Variants in INTS3 observed in about 807,000 individuals in gnomAD.
The protein encoded by INTS3 is SOSS complex subunit A.
Under a neutral mutation model 146.3 loss-of-function variants are expected in INTS3, and 34 were observed. The ratio of observed to expected loss-of-function variants is 0.23; its 90% CI spans 0.18 to 0.31. INTS3 has a LOEUF of 0.31. Ranked by LOEUF, INTS3 falls within the 10% of genes least tolerant of loss-of-function variation. INTS3 has a pLI of 1.00. For synonymous variants in INTS3, 475 were observed against 494.9 expected, an observed-to-expected ratio of 0.96 and a Z score of 0.53; for missense variants, 757 against 1,304.2, an observed-to-expected ratio of 0.58 and a Z score of 6.46.
At chr1:153,736,572 G>A (rs1174181586) in intron 1 of INTS3, among the ~76,000 whole-genome samples, 4 of 150,530 alleles carry the variant, frequency 2.7e-5, no homozygotes, top group East Asian at 3.9e-4. Context: ...TCAGCCTCCC[G>A]AGTAGCTGGG....
chr1:153,746,463 C>T (rs534314064), intron 3 of INTS3, among the ~76,000 whole-genome samples: 29 of 151,980 alleles, frequency 1.9e-4, no homozygotes, highest in Admixed American at 1.3e-3. Context: ...TGCAGTGGCG[C>T]GATCTCCGCT....
intron 7 of INTS3, 56 bp downstream of exon 7, chr1:153,751,295 C>G: frequency 2.5e-6 from 4 of 1,578,752 alleles, no homozygotes; most frequent in Non-Finnish European, 3.5e-6. Flanking sequence ...TAAGATACCT[C>G]TGGAGGTTTA....
chr1:153,774,098 G>C lies in INTS3; in HGVS notation c.*828G>C, dbSNP rs1407259536. 1 of 154,412 alleles carries C rather than the reference G, an allele frequency of 6.5e-6. No individual in the cohort carries two copies. The highest frequency in any genetic ancestry group is 2.4e-5 in the African/African-American group (1 of 40,964). The allele number at this position is 154,412 out of a possible 1,614,324, so 9.6% of individuals were successfully genotyped here. ...GAATGTCTTTTGTGCTGGAGTGTCT[G>C]CTGGCATTTGCCCCGTGCATGTATA... On this transcript the variant is annotated 3_prime_UTR_variant, in exon 30 of 30. Transcript: ENST00000318967.
At chr1:153,769,656 A>G in intron 22 of INTS3, 113 bp from the exon 23 acceptor site, 1 of 675,310 alleles carries the variant, frequency 1.5e-6, no homozygotes, top group Non-Finnish European at 2.7e-6. Flanking sequence ...CTGGGCCTTC[A>G]CTTCCTCTAA....
At chr1:153,736,857 G>A (rs893826820) in intron 1 of INTS3, among the ~76,000 whole-genome samples, 12 of 142,796 alleles carry the variant, frequency 8.4e-5, no homozygotes, top group African/African-American at 2.1e-4. Context: ...TTCGCCGACC[G>A]GGTTCACACC....
chr1:153,760,857 G>T lies in INTS3; in HGVS notation c.1348G>T (p.Gly450Cys). The T allele has an allele frequency of 6.2e-7, 1 of 1,614,104 alleles. No individual in the cohort carries two copies. Among genetic ancestry groups the T allele is most frequent in the African/African-American group, 1.3e-5 (1 of 75,036 alleles). ...IIPNFYPPLE[G>C]HVRQGVFSSL... Reference sequence around the variant, plus strand: ...TCCCAACTTCTATCCACCATTGGAGGGCCACGTGCGGCAGGGTGTCTTTTC... The same window carrying T: ...TCCCAACTTCTATCCACCATTGGAGTGCCACGTGCGGCAGGGTGTCTTTTC... Residue 450 changes from glycine (G) to cysteine (C), a missense_variant, in exon 13 of 30, where the codon GGC becomes TGC. Transcript: ENST00000318967.
Position 153,773,371 on chromosome 1 carries a change from G to C in INTS3, c.*101G>C. ...AGGAGATTGCAGGGGAAACACCCTT[G>C]CTGCATCCCCAAGCTCCCCCGGTGG... On this transcript the variant is annotated 3_prime_UTR_variant, in exon 30 of 30. Coordinates refer to ENST00000318967, the MANE Select transcript of INTS3 (RefSeq NM_023015.5). 1 of 1,129,848 alleles carries C rather than the reference G, an allele frequency of 8.9e-7. No individual in the cohort carries two copies. The highest frequency in any genetic ancestry group is 1.5e-5 in the African/African-American group (1 of 65,000). 70.0% of individuals were successfully genotyped at this position (1,129,848 alleles called of 1,614,324 possible).
chr1:153,728,862 G>A (rs965497715), intron 1 of INTS3, 78 bp downstream of exon 1: 2 of 566,748 alleles, frequency 3.5e-6, no homozygotes, highest in Non-Finnish European at 6.0e-6. Context: ...GTGGGAGGAC[G>A]GGGGGTGGGG....
In INTS3 at chr1:153,773,986, G is replaced by GTT. The variant is rs71707457; in HGVS notation, c.*726_*727dup. ...CAAATGATCCCATTTCCTTGAGTCTGTTTTTTTTTTTGTTTTTTTTTGTTT... is the reference window on the plus strand; with the variant it reads ...CAAATGATCCCATTTCCTTGAGTCTGTTTTTTTTTTTTTGTTTTTTTTTGTTT... On this transcript the variant is annotated 3_prime_UTR_variant, in exon 30 of 30. Coordinates refer to ENST00000318967, the MANE Select transcript of INTS3 (RefSeq NM_023015.5). The GTT allele has an allele frequency of 2.6e-4, 39 of 150,500 alleles. No homozygotes were observed. Among genetic ancestry groups the GTT allele is most frequent in the Middle Eastern group, 7.4e-3 (2 of 270 alleles). The allele number at this position is 150,500 out of a possible 1,614,324, so 9.3% of individuals were successfully genotyped here. A position where few individuals can be genotyped will look rare whatever the true frequency, so the allele number is the denominator to read the frequency against.
At chr1:153,748,908 C>G (rs1671853687) in intron 6 of INTS3, among the ~76,000 whole-genome samples, 153 bp downstream of exon 6, 1 of 152,178 alleles carries the variant, frequency 6.6e-6, no homozygotes. Flanking sequence ...GTATTGTTGG[C>G]AAGTGAAGAA....
rs1194770993 is a variant in INTS3 at position 153,767,671 on chromosome 1, C to A, written c.2091-3C>A. 4 of 1,575,502 alleles carry A rather than the reference C, an allele frequency of 2.5e-6. No homozygotes were observed. Among genetic ancestry groups the A allele is most frequent in the Non-Finnish European group, 3.5e-6 (4 of 1,155,112 alleles). On this transcript the variant is annotated splice_polypyrimidine_tract_variant and splice_region_variant and intron_variant, in intron 20 of 29. Transcript: ENST00000318967. ...GCTGGCTCAGGCCCAGCTGGTCTTG[C>A]AGCAAAGCCGCCGCAGGGAAGATGA...
In INTS3 at chr1:153,772,066, T is replaced by C. The variant is rs968998917; in HGVS notation, c.2720+103T>C. ...TGGTGGTGGTGATGGGGGTCAGTGC[T>C]GTCCCAGCCTGGTTTGTGGGCGACA... On this transcript the variant is annotated intron_variant, in intron 26 of 29. Coordinates refer to ENST00000318967, the MANE Select transcript of INTS3 (RefSeq NM_023015.5). The surrounding 1 kb of genome is among the most constrained non-coding windows in gnomAD (Gnocchi z 4.6). The C allele has an allele frequency of 4.4e-5, 55 of 1,260,358 alleles. No homozygotes were observed. The highest frequency in any genetic ancestry group is 5.9e-5 in the Non-Finnish European group (54 of 917,802). The allele number at this position is 1,260,358 out of a possible 1,614,324, so 78.1% of individuals were successfully genotyped here.
Position 153,757,546 on chromosome 1 carries a change from C to CT in INTS3, c.958-21dup. 6.2e-7 allele frequency: 1 copy of CT among 1,609,044 alleles called. No individual in the cohort carries two copies. Among genetic ancestry groups the CT allele is most frequent in the Non-Finnish European group, 8.5e-7 (1 of 1,175,870 alleles). ...AGGACCCCACACTGTCTTCTAAGGT[C>CT]TTTTTCTTGCTTCCCCTTTCCCCAG... On this transcript the variant is annotated intron_variant, in intron 9 of 29. Coordinates refer to ENST00000318967, the MANE Select transcript of INTS3 (RefSeq NM_023015.5). The surrounding 1 kb of genome is among the most constrained non-coding windows in gnomAD (Gnocchi z 4.0).
chr1:153,769,896 C>G, intron 23 of INTS3, 52 bp downstream of exon 23: 2 of 1,271,712 alleles, frequency 1.6e-6, no homozygotes, highest in South Asian at 2.4e-5. Context: ...GGCAGGGTGT[C>G]AGTCCTGTGT....
At chr1:153,751,299 A>AG in intron 7 of INTS3, 60 bp downstream of exon 7, 1 of 1,546,162 alleles carries the variant, frequency 6.5e-7, no homozygotes, top group Non-Finnish European at 8.9e-7. Context: ...ATACCTCTGG[A>AG]GGTTTATGCA....
chr1:153,766,897 A>G (rs1433075407), intron 20 of INTS3: 1 of 151,464 alleles, frequency 6.6e-6, no homozygotes, highest in African/African-American at 2.4e-5. Flanking sequence ...GGGTTTCACC[A>G]TGTTGGCCAG....
intron 21 of INTS3, among the ~76,000 whole-genome samples, chr1:153,768,514 G>A (rs1315233327): frequency 6.6e-6 from 1 of 152,192 alleles, no homozygotes; most frequent in Admixed American, 6.5e-5. Flanking sequence ...AGCACAGGTT[G>A]GACTTCTTTG....
chr1:153,745,676 G>T (rs532966676), intron 3 of INTS3, among the ~76,000 whole-genome samples: 1 of 151,918 alleles, frequency 6.6e-6, no homozygotes, highest in Non-Finnish European at 1.5e-5. Context: ...AAAAACTAAG[G>T]GGGGAAGGGA....
At position 153,773,594 on chromosome 1, in the gene INTS3, C is replaced by A. The variant is rs917558937; in HGVS notation, c.*324C>A. On this transcript the variant is annotated 3_prime_UTR_variant, in exon 30 of 30. Coordinates refer to ENST00000318967, the MANE Select transcript of INTS3 (RefSeq NM_023015.5). ...TGGCCCCTTCCGCAATCTCCTCCCCCAGTCTCCCAAAGAGCCATTTCAACA... is the reference window on the plus strand; with the variant it reads ...TGGCCCCTTCCGCAATCTCCTCCCCAAGTCTCCCAAAGAGCCATTTCAACA... 1 of 445,332 alleles carries A rather than the reference C, an allele frequency of 2.2e-6. No individual in the cohort carries two copies. Among genetic ancestry groups the A allele is most frequent in the Non-Finnish European group, 4.2e-6 (1 of 238,858 alleles). 27.6% of individuals were successfully genotyped at this position (445,332 alleles called of 1,614,324 possible).
Sources: gnomAD v4.1 joint callset for allele counts (sites outside exome capture counted in the v4.1 genomes callset) on GRCh38, gnomAD v4.1.1 for gene constraint, Gnocchi (gnomAD v3.1) non-coding constraint, MANE v1.5 for transcripts, NCBI Gene and HGNC (gene_info 2026-07-23, HGNC 2026-07-21) for gene names.